The following CBLB variants were observed in gnomAD, a reference collection of about 807,000 sequenced individuals.
CBLB encodes E3 ubiquitin-protein ligase CBL-B.
Under a neutral mutation model 104.9 loss-of-function variants are expected in CBLB, and 31 were observed. The ratio of observed to expected loss-of-function variants is 0.30; its 90% CI spans 0.22 to 0.40. CBLB has a LOEUF of 0.40. Ranked by LOEUF, CBLB falls within the 10% of genes least tolerant of loss-of-function variation. The pLI is 1.00. For missense variants in CBLB, 1,062 were observed against 1,214.6 expected, an observed-to-expected ratio of 0.87 and a Z score of 1.87; for synonymous variants, 440 against 422.6, an observed-to-expected ratio of 1.04 and a Z score of -0.51.
intron 3 of CBLB, among the ~76,000 whole-genome samples, chr3:105,843,499 G>T (rs1399063385): frequency 6.6e-6 from 1 of 151,786 alleles, no homozygotes; most frequent in Non-Finnish European, 1.5e-5. Context: ...GAAATAACCA[G>T]GGCTATTAAT....
At chr3:105,726,302 ATT>A in intron 9 of CBLB, among the ~76,000 whole-genome samples, 1 of 152,252 alleles carries the variant, frequency 6.6e-6, no homozygotes, top group East Asian at 1.9e-4. Flanking sequence ...GAGTTTATTG[ATT>A]TTTTTGTAAA....
Position 105,657,532 on chromosome 3 carries a change from T to TA in CBLB, c.*1437dup, listed in dbSNP as rs980332282. 4.8e-6 allele frequency: 1 copy of TA among 206,622 alleles called. No individual in the cohort carries two copies. Among genetic ancestry groups the TA allele is most frequent in the Non-Finnish European group, 9.9e-6 (1 of 101,178 alleles). The allele number at this position is 206,622 out of a possible 1,614,324, so 12.8% of individuals were successfully genotyped here. A position where few individuals can be genotyped will look rare whatever the true frequency, so the allele number is the denominator to read the frequency against. On this transcript the variant is annotated 3_prime_UTR_variant, in exon 19 of 19. Coordinates refer to ENST00000394030, the MANE Select transcript of CBLB (RefSeq NM_170662.5). ...TTTGTCTATCAGACAGACTTTGTCA[T>TA]AAAAAACACAGAAAAACAAAAATAA...
chr3:105,733,719 T>G (rs886491428), intron 9 of CBLB, among the ~76,000 whole-genome samples: 1 of 152,158 alleles, frequency 6.6e-6, no homozygotes, highest in African/African-American at 2.4e-5. Context: ...TATCAATAAA[T>G]GGCATAAAAA....
intron 4 of CBLB, among the ~76,000 whole-genome samples, chr3:105,754,527 G>GAGAGAAAC (rs1553767688): frequency 1.7e-4 from 4 of 23,400 alleles, no homozygotes; most frequent in South Asian, 2.7e-3. Flanking sequence ...GAGAGACAGA[G>GAGAGAAAC]AGAGAGAGAG....
chr3:105,704,055 G>C lies in CBLB; in HGVS notation c.1526C>G (p.Pro509Arg). ...IPHLSLPPVP[P>R]RLDLIQKGIV... ...GCCTTTCTGAATTAGATCCAGGCGA[G>C]GAGGCACGGGTGGCAGGCTTAGATG... is the stretch of plus-strand genomic sequence containing the variant. The change falls in exon 11 of 19, where the codon CCT becomes CGT. Residue 509 changes from proline to arginine, a missense_variant. By Grantham distance (103) the Pro-to-Arg change is moderately radical (BLOSUM62 -2). Coordinates refer to ENST00000394030, the MANE Select transcript of CBLB (RefSeq NM_170662.5). 2 of 1,614,186 alleles carry C rather than the reference G, an allele frequency of 1.2e-6. No homozygotes were observed. Among genetic ancestry groups the C allele is most frequent in the Non-Finnish European group, 1.7e-6 (2 of 1,180,018 alleles).
At chr3:105,822,060 T>A (rs1051221626) in intron 3 of CBLB, among the ~76,000 whole-genome samples, 4 of 152,130 alleles carry the variant, frequency 2.6e-5, no homozygotes. Flanking sequence ...GATGTATAAG[T>A]TATTTAACCA....
chr3:105,800,098 G>A (rs952868803), intron 3 of CBLB, among the ~76,000 whole-genome samples: 1 of 152,072 alleles, frequency 6.6e-6, no homozygotes, highest in Non-Finnish European at 1.5e-5. Context: ...TGTGGATCTT[G>A]GACAAGTCAC....
Position 105,693,519 on chromosome 3 carries a change from C to T in CBLB, c.2029G>A (p.Val677Ile), listed in dbSNP as rs1559845547. 1 of 1,611,534 alleles carries T rather than the reference C, an allele frequency of 6.2e-7. No homozygotes were observed. The highest frequency in any genetic ancestry group is 2.2e-5 in the East Asian group (1 of 44,826). Residue 677 changes from valine to isoleucine, a missense_variant, in exon 13 of 19, where the codon GTT (valine) becomes ATT (isoleucine). Physicochemically the swap from Val to Ile is conservative, Grantham distance 29. Coordinates refer to ENST00000394030, the MANE Select transcript of CBLB (RefSeq NM_170662.5). ...TTTATGCTAGGGAGGAGGGTGGTAA[C>T]TGGAGGAGGAGGAGAAAGCCGGGGA... ...VPPRLSPPPPVTTLLPSIKCT... is the reference protein window; with the variant it reads ...VPPRLSPPPPITTLLPSIKCT...
chr3:105,868,712 C>G, intron 1 of CBLB, 24 bp downstream of exon 1: 1 of 996,346 alleles, frequency 1.0e-6, no homozygotes, highest in East Asian at 9.1e-5. Context: ...GTGGAGCCTC[C>G]CCGGCGACCC....
intron 17 of CBLB, chr3:105,671,317 A>G (rs569973812): frequency 4.7e-6 from 1 of 212,860 alleles, no homozygotes; most frequent in Non-Finnish European, 9.5e-6. Flanking sequence ...TATGTTGTCG[A>G]TATCTCTGAA....
At chr3:105,751,658 T>A in intron 4 of CBLB, 40 bp from the exon 5 acceptor site, 1 of 1,554,962 alleles carries the variant, frequency 6.4e-7, no homozygotes, top group Non-Finnish European at 8.9e-7. Flanking sequence ...TTGAATCAAG[T>A]ATCATTTAAG....
Position 105,742,983 on chromosome 3 carries a change from T to C in CBLB, c.846-2352A>G, listed in dbSNP as rs62261485. On this transcript the variant is annotated intron_variant, in intron 6 of 18. Coordinates refer to ENST00000394030, the MANE Select transcript of CBLB (RefSeq NM_170662.5). The stretch of plus-strand genomic sequence containing the variant: ...AGCAATTCATGTATATAAGAGATAG[T>C]AATACCAGCAATCTGGTAAGAGCCA... 1.6e-3 allele frequency among the ~76,000 whole-genome samples: 239 copies of C among 152,320 alleles called. 1 individual carries two copies. The highest frequency in any genetic ancestry group is 4.5e-3 in the Admixed American group (69 of 15,300).
Position 105,656,888 on chromosome 3 carries a change from A to T in CBLB, c.*2082T>A. Reference sequence around the variant, plus strand: ...CAGTGCTATTCCAAGGTGACATCTGAAACTGTTAAAACAAGTGAAAAATCA... The same window carrying T: ...CAGTGCTATTCCAAGGTGACATCTGTAACTGTTAAAACAAGTGAAAAATCA... On this transcript the variant is annotated 3_prime_UTR_variant, in exon 19 of 19. Coordinates refer to ENST00000394030, the MANE Select transcript of CBLB (RefSeq NM_170662.5). 1 of 211,602 alleles carries T rather than the reference A, an allele frequency of 4.7e-6. No individual in the cohort carries two copies. The highest frequency in any genetic ancestry group is 9.6e-6 in the Non-Finnish European group (1 of 104,458). The allele number at this position is 211,602 out of a possible 1,614,324, so 13.1% of individuals were successfully genotyped here.
upstream of CBLB, chr3:105,869,365 G>A: frequency 7.5e-7 from 1 of 1,342,110 alleles, no homozygotes; most frequent in Non-Finnish European, 9.9e-7. Context: ...GGGCGTGAGC[G>A]TCGGGACCGG....
chr3:105,786,946 GT>G lies in CBLB; in HGVS notation c.420-10405del, dbSNP rs546642693. ...CTTCCATTTATTAGATATATGATATGTCTTAATATGCATGATAACAGTTCAA... is the reference window on the plus strand; with the variant it reads ...CTTCCATTTATTAGATATATGATATGCTTAATATGCATGATAACAGTTCAA... On this transcript the variant is annotated intron_variant, in intron 3 of 18. Transcript: ENST00000394030. 8.7e-4 allele frequency among the ~76,000 whole-genome samples: 132 copies of G among 152,260 alleles called. 1 individual carries two copies. Among genetic ancestry groups the G allele is most frequent in the African/African-American group, 3.1e-3 (129 of 41,548 alleles).
chr3:105,702,387 G>T lies in CBLB; in HGVS notation c.1666C>A (p.Pro556Thr). ...GGTGGAGGTCTTTCAGGTGGCGGTGGAGGAGGATCTCTTAAGGGAGGAGGT... is the reference window on the plus strand; with the variant it reads ...GGTGGAGGTCTTTCAGGTGGCGGTGTAGGAGGATCTCTTAAGGGAGGAGGT... ...APPPPLRDPP[P>T]PPPERPPPIP... The change falls in exon 12 of 19, where the codon CCA (proline) becomes ACA (threonine). Residue 556 changes from proline to threonine, a missense_variant. Physicochemically the swap from Pro to Thr is conservative, Grantham distance 38 (BLOSUM62 -1). Around this residue, in one of 2 missense-constraint regions of CBLB, gnomAD observed 605 missense variants for 582.6 expected, o/e 1.04. Coordinates refer to ENST00000394030, the MANE Select transcript of CBLB (RefSeq NM_170662.5). 1 of 1,609,738 alleles carries T rather than the reference G, an allele frequency of 6.2e-7. No individual in the cohort carries two copies. The highest frequency in any genetic ancestry group is 8.5e-7 in the Non-Finnish European group (1 of 1,177,672).
chr3:105,756,071 G>C (rs972194901), intron 4 of CBLB, among the ~76,000 whole-genome samples: 1 of 152,122 alleles, frequency 6.6e-6, no homozygotes, highest in East Asian at 1.9e-4. Flanking sequence ...TATATTTTCT[G>C]TATTTGTTCA....
intron 10 of CBLB, among the ~76,000 whole-genome samples, chr3:105,715,848 G>A (rs2071777323): frequency 6.6e-6 from 1 of 152,138 alleles, no homozygotes; most frequent in Non-Finnish European, 1.5e-5. Flanking sequence ...AGACTAGGCT[G>A]ACCAATGTGG....
chr3:105,708,042 T>C (rs1310248987), intron 10 of CBLB, among the ~76,000 whole-genome samples: 2 of 152,144 alleles, frequency 1.3e-5, no homozygotes, highest in Admixed American at 6.6e-5. Context: ...AATGCCTCTA[T>C]AGCTGGGACC....
Sources: allele counts gnomAD v4.1 joint callset (sites outside exome capture counted in the v4.1 genomes callset), GRCh38; gene constraint gnomAD v4.1.1; regional missense constraint gnomAD v4.1.1; transcripts MANE v1.5; gene names NCBI Gene and HGNC (gene_info 2026-07-23, HGNC 2026-07-21).